USP54: variants seen among roughly 807,000 people sequenced by gnomAD.
The protein encoded by USP54 is ubiquitin carboxyl-terminal hydrolase 54.
In USP54, 87 loss-of-function variants were observed where a neutral mutation model predicts 170.5. The observed-to-expected ratio is 0.51, with a 90% CI of 0.43 to 0.61. The LOEUF (loss-of-function observed/expected upper bound fraction) is 0.61, where lower values mean the gene tolerates loss of function less well. USP54 is among the 20% of genes least tolerant of loss of function. USP54 has a pLI of 0.00. For synonymous variants in USP54, 655 were observed against 742.8 expected (o/e 0.88, Z 1.92); for missense variants, 1,786 against 2,047.8 (o/e 0.87, Z 2.47).
intron 17 of USP54, among the ~76,000 whole-genome samples, chr10:73,521,345 G>T (rs753069141): frequency 6.6e-6 from 1 of 152,126 alleles, no homozygotes; most frequent in South Asian, 2.1e-4. Flanking sequence ...ATGACAGTGC[G>T]AGCGGAGGAA....
At chr10:73,539,677 TTAAG>T in intron 9 of USP54, 84 bp from the exon 10 acceptor site, 1 of 1,409,312 alleles carries the variant, frequency 7.1e-7, no homozygotes, top group Non-Finnish European at 9.5e-7. Context: ...CCAGCATTTC[TTAAG>T]TAAGGTACTG....
chr10:73,572,918 C>T (rs1293225967), intron 3 of USP54, among the ~76,000 whole-genome samples: 2 of 152,054 alleles, frequency 1.3e-5, no homozygotes, highest in Admixed American at 6.5e-5. Flanking sequence ...TAAACAAACA[C>T]ATTTATATCA....
intron 15 of USP54, among the ~76,000 whole-genome samples, 158 bp from the exon 16 acceptor site, chr10:73,526,938 A>G (rs1454228675): frequency 6.6e-6 from 1 of 152,190 alleles, no homozygotes; most frequent in Non-Finnish European, 1.5e-5. Flanking sequence ...TCATTCTCCT[A>G]TCTAACCTCA....
chr10:73,547,873 A>T (rs980781969), intron 4 of USP54, among the ~76,000 whole-genome samples: 5 of 152,150 alleles, frequency 3.3e-5, no homozygotes, highest in African/African-American at 1.2e-4. Flanking sequence ...AAGCCAAAAT[A>T]CACAAATGGG....
chr10:73,548,509 A>G (rs2068400917), intron 4 of USP54, among the ~76,000 whole-genome samples: 1 of 152,234 alleles, frequency 6.6e-6, no homozygotes. Context: ...GACTGGATTA[A>G]GAAAATGTGG....
chr10:73,539,682 T>C, intron 9 of USP54, 89 bp from the exon 10 acceptor site: 2 of 1,385,866 alleles, frequency 1.4e-6, no homozygotes, highest in African/African-American at 1.4e-5. Flanking sequence ...ATTTCTTAAG[T>C]AAGGTACTGA....
chr10:73,614,587 A>G (rs1395161213), intron 1 of USP54, among the ~76,000 whole-genome samples: 1 of 149,206 alleles, frequency 6.7e-6, no homozygotes, highest in Non-Finnish European at 1.5e-5. Context: ...AAAAAAGGAA[A>G]CACAGGCGTA....
chr10:73,502,516 T>C (rs1305254799), intron 22 of USP54, among the ~76,000 whole-genome samples: 2 of 152,202 alleles, frequency 1.3e-5, no homozygotes, highest in African/African-American at 4.8e-5. Context: ...CATTTCACTG[T>C]GTTAGCCAGG....
chr10:73,520,891 CAGTTAG>C lies in USP54; in HGVS notation c.2482+11_2482+16del, dbSNP rs1250791586. The C allele has an allele frequency of 1.9e-6, 3 of 1,613,918 alleles. No homozygotes were observed. The African/African-American group carries it at 4.0e-5, about 22-fold the overall frequency. ...TTAGTCAAAAGTGCCACAGCCATAG[CAGTTAG>C]AGTTACTTACAGATAGCTTCATTAC... On this transcript the variant is annotated intron_variant, in intron 18 of 23. Transcript: ENST00000687698.
At position 73,517,078 on chromosome 10, in the gene USP54, C is replaced by A. The variant is rs1564657261; in HGVS notation, c.3348G>T (p.Glu1116Asp). The A allele has an allele frequency of 6.2e-7, 1 of 1,614,248 alleles. No individual in the cohort carries two copies. ...TGCTGGGAAACTCTGGCCTATAGGTCTCCTCACTGCCTCTGTCCACTTTTA... is the reference window on the plus strand; with the variant it reads ...TGCTGGGAAACTCTGGCCTATAGGTATCCTCACTGCCTCTGTCCACTTTTA... ...LTLKVDRGSE[E>D]TYRPEFPSTK... is the part of the protein sequence containing the mutation. The change falls in exon 20 of 24, where the codon GAG becomes GAT. Residue 1116 changes from glutamate (E) to aspartate (D), a missense_variant. Around this residue, in one of 3 missense-constraint regions of USP54, gnomAD observed 1,418 missense variants for 1,569.0 expected, o/e 0.90. Coordinates refer to ENST00000687698, the MANE Select transcript of USP54 (RefSeq NM_001391956.1).
At chr10:73,587,372 G>A (rs1221480520) in intron 1 of USP54, among the ~76,000 whole-genome samples, 1 of 152,144 alleles carries the variant, frequency 6.6e-6, no homozygotes, top group East Asian at 1.9e-4. Context: ...CTACTCGGGA[G>A]GATGAGGCAG....
intron 1 of USP54, among the ~76,000 whole-genome samples, chr10:73,625,109 G>A (rs2081414996): frequency 6.6e-6 from 1 of 152,288 alleles, no homozygotes; most frequent in South Asian, 2.1e-4. Context: ...ACACTTGAAT[G>A]AGTCTGGGAA....
chr10:73,625,975 T>G (rs2081510627), upstream of USP54: 1 of 150,912 alleles, frequency 6.6e-6, no homozygotes, highest in Admixed American at 6.6e-5. Context: ...GCGGCTGCTA[T>G]AGCTACAGGG....
chr10:73,545,606 G>A lies in USP54; in HGVS notation c.307C>T (p.Leu103=). The change falls in exon 5 of 24, where the codon CTG becomes TTG. Residue 103 remains leucine (L), a synonymous_variant. Coordinates refer to ENST00000687698, the MANE Select transcript of USP54 (RefSeq NM_001391956.1). ...TGTTCATCCTGGAAAGTCTTTGCCAGAGCACTGCGGAGAGTGTCAGATGGA... is the reference window on the plus strand; with the variant it reads ...TGTTCATCCTGGAAAGTCTTTGCCAAAGCACTGCGGAGAGTGTCAGATGGA... ...VLPSDTLRSA[L]AKTFQDEQRF... is the part of the protein sequence containing the mutation. The A allele has an allele frequency of 6.2e-7, 1 of 1,614,208 alleles. No homozygotes were observed. Among genetic ancestry groups the A allele is most frequent in the South Asian group, 1.1e-5 (1 of 91,080 alleles).
chr10:73,537,492 A>G (rs2065471803), intron 10 of USP54, among the ~76,000 whole-genome samples: 2 of 152,134 alleles, frequency 1.3e-5, no homozygotes, highest in Non-Finnish European at 2.9e-5. Context: ...AGCCACTTCA[A>G]CCACAAACTC....
At chr10:73,573,689 C>G (rs112666918) in intron 3 of USP54, among the ~76,000 whole-genome samples, 3 of 152,276 alleles carry the variant, frequency 2.0e-5, no homozygotes, top group Non-Finnish European at 2.9e-5. Flanking sequence ...CGCTTGAACC[C>G]AAGAGGCGGA....
chr10:73,604,964 C>T (rs1421410842), intron 1 of USP54, among the ~76,000 whole-genome samples: 1 of 152,132 alleles, frequency 6.6e-6, no homozygotes, highest in African/African-American at 2.4e-5. Flanking sequence ...TTTGTCCCCA[C>T]CCACGTCCTG....
intron 20 of USP54, among the ~76,000 whole-genome samples, chr10:73,515,075 A>C (rs1189422407): frequency 6.6e-6 from 1 of 151,906 alleles, no homozygotes; most frequent in Non-Finnish European, 1.5e-5. Context: ...ATCAAATCTT[A>C]TATTTATGTG....
At chr10:73,606,533 C>A (rs75405468) in intron 1 of USP54, 5,349 of 152,226 alleles carry the variant, frequency 0.035, 152 homozygotes, top group South Asian at 0.11. Context: ...CAATCTGCTG[C>A]TTTTCTCATT....
Sources: allele counts gnomAD v4.1 joint callset (sites outside exome capture counted in the v4.1 genomes callset), GRCh38; gene constraint gnomAD v4.1.1; regional missense constraint gnomAD v4.1.1; transcripts MANE v1.5; gene names NCBI Gene and HGNC (gene_info 2026-07-23, HGNC 2026-07-21).